The following ZNF28 variants were observed in gnomAD, a reference collection of about 807,000 sequenced individuals.
ZNF28 encodes the protein zinc finger protein 28, also known as zinc finger protein KOX24.
Under a neutral mutation model 7.2 loss-of-function variants are expected in ZNF28, and 5 were observed. The observed-to-expected ratio is 0.70, with a 90% CI of 0.36 to 1.46. ZNF28 has a LOEUF of 1.46. ZNF28 is among the 40% of genes most tolerant of loss of function. The pLI is 0.03. For synonymous variants in ZNF28, 288 were observed against 292.4 expected (o/e 0.99, Z 0.15); for missense variants, 879 against 866.6 (o/e 1.01, Z -0.18).
In ZNF28 at chr19:52,810,813, A is replaced by T. The variant is rs1364138473; in HGVS notation, c.16-2680T>A. The stretch of plus-strand genomic sequence containing the variant: ...ACAGAAGATGACCTTGATGGAAAAA[A>T]ATATATATATATTTTTAAAAAAAGA... On this transcript the variant is annotated intron_variant, in intron 2 of 3. Coordinates refer to ENST00000457749, the MANE Select transcript of ZNF28 (RefSeq NM_006969.5). 5.3e-5 allele frequency: 19 copies of T among 360,804 alleles called. 1 individual carries two copies. The highest frequency in any genetic ancestry group is 4.2e-4 in the Admixed American group (10 of 23,820). The allele number at this position is 360,804 out of a possible 1,614,324, so 22.4% of individuals were successfully genotyped here. A position where few individuals can be genotyped will look rare whatever the true frequency, so the allele number is the denominator to read the frequency against.
chr19:52,810,878 C>T (rs1181722283), intron 2 of ZNF28, among the ~76,000 whole-genome samples: 1 of 18,534 alleles, frequency 5.4e-5, no homozygotes, highest in East Asian at 1.0e-3. Context: ...CCTCCCCCTC[C>T]CCCTCCCCCT....
At chr19:52,804,778 T>C (rs2062915746) in intron 3 of ZNF28, among the ~76,000 whole-genome samples, 1 of 152,134 alleles carries the variant, frequency 6.6e-6, no homozygotes, top group African/African-American at 2.4e-5. Context: ...GTGCTGGGAT[T>C]AGAAAAGTGA....
rs141360897 is a variant in ZNF28, at chr19:52,819,642, T to G, written c.-73-1611A>C. Among the ~76,000 whole-genome samples, 115 of 134,730 alleles carry G rather than the reference T, an allele frequency of 8.5e-4. 12 individuals carry two copies. The South Asian group carries it at 0.013, about 15-fold the overall frequency. The allele number at this position is 134,730 out of a possible 152,430, so 88.4% of individuals were successfully genotyped here. A position where few individuals can be genotyped will look rare whatever the true frequency, so the allele number is the denominator to read the frequency against. The stretch of plus-strand genomic sequence containing the variant: ...GAAGTTACCCTGAGAAGGTCTGAGA[T>G]GAGTGAGAAGGTGTGCCTGAATTCT... On this transcript the variant is annotated intron_variant, in intron 1 of 3. Transcript: ENST00000457749.
chr19:52,798,562 G>C lies in ZNF28; in HGVS notation c.*1126C>G, dbSNP rs1031571182. The C allele has an allele frequency of 8.0e-6, 4 of 500,240 alleles. No homozygotes were observed. Among genetic ancestry groups the C allele is most frequent in the Non-Finnish European group, 1.6e-5 (4 of 244,878 alleles). The allele number at this position is 500,240 out of a possible 1,614,324, so 31.0% of individuals were successfully genotyped here. ...TGGATTCTCTGATGTCTATTGAGGT[G>C]TGAATGTGAAGTAAACGCTTTGCCA... On this transcript the variant is annotated 3_prime_UTR_variant, in exon 4 of 4. Transcript: ENST00000457749.
chr19:52,812,241 G>T (rs1189653468), intron 2 of ZNF28, among the ~76,000 whole-genome samples: 1 of 137,964 alleles, frequency 7.2e-6, no homozygotes, highest in South Asian at 2.3e-4. Context: ...CCCTCTGCCC[G>T]GCCACGACCC....
intron 2 of ZNF28, chr19:52,810,707 A>G: frequency 1.3e-6 from 1 of 763,440 alleles, no homozygotes; most frequent in Non-Finnish European, 2.4e-6. Context: ...TCCCCTTACT[A>G]AAAAAAATGT....
chr19:52,808,235 G>C (rs2062962440), intron 2 of ZNF28, 102 bp from the exon 3 acceptor site: 2 of 1,542,414 alleles, frequency 1.3e-6, no homozygotes, highest in Non-Finnish European at 1.7e-6. Flanking sequence ...TGTAGTGAAT[G>C]TTCTCACAAA....
In ZNF28 at chr19:52,799,011, T is replaced by C. The variant is rs183636509; in HGVS notation, c.*677A>G. 3.3e-5 allele frequency: 26 copies of C among 784,776 alleles called. No individual in the cohort carries two copies. In the African/African-American group the frequency reaches 4.5e-4, roughly 13 times the overall value. 48.6% of individuals were successfully genotyped at this position (784,776 alleles called of 1,614,324 possible). ...CTCCCAAAAGCCTTGTTACAAACCT[T>C]ACATTTGTATGTTTTTTCTCCAGTA... On this transcript the variant is annotated 3_prime_UTR_variant, in exon 4 of 4. Transcript: ENST00000457749.
chr19:52,808,629 CAAA>C (rs373465619), intron 2 of ZNF28, among the ~76,000 whole-genome samples: 1 of 122,234 alleles, frequency 8.2e-6, no homozygotes, highest in Non-Finnish European at 1.7e-5. Flanking sequence ...AACTCCATCT[CAAA>C]AAAAAAAAAA....
intron 2 of ZNF28, among the ~76,000 whole-genome samples, chr19:52,814,094 T>C (rs1029778561): frequency 1.4e-5 from 2 of 146,388 alleles, no homozygotes; most frequent in Admixed American, 6.9e-5. Flanking sequence ...GCTGCAGAAA[T>C]ACACGTGTAC....
chr19:52,808,017 C>G lies in ZNF28; in HGVS notation c.132G>C (p.Leu44=), dbSNP rs761938059. 3.1e-6 allele frequency: 5 copies of G among 1,613,390 alleles called. No individual in the cohort carries two copies. The South Asian group carries it at 4.4e-5, about 14-fold the overall frequency. ...GGAGGTTATCCTCACCCAGGGAGAC[C>G]AGGTTCCTATAATTCTCCAGCATCA... The part of the protein sequence containing the change: ...RDVMLENYRN[L]VSLDISSKCM... Residue 44 remains leucine (L), a synonymous_variant, in exon 3 of 4, where the codon CTG becomes CTC. Transcript: ENST00000457749.
At chr19:52,813,807 T>C (rs2063087276) in intron 2 of ZNF28, among the ~76,000 whole-genome samples, 1 of 146,718 alleles carries the variant, frequency 6.8e-6, no homozygotes, top group Non-Finnish European at 1.5e-5. Context: ...TACCTTGTTT[T>C]GGGGGGTTTA....
chr19:52,807,728 G>C, intron 3 of ZNF28: 1 of 480,998 alleles, frequency 2.1e-6, no homozygotes, highest in East Asian at 4.4e-5. Context: ...ACACGCCTTG[G>C]CCTCCCAAGG....
Position 52,800,699 on chromosome 19 carries a change from A to G in ZNF28, c.1146T>C (p.Pro382=), listed in dbSNP as rs755254211. Reference sequence around the variant, plus strand: ...CTTTTTCACATTCTTCACATTCATAAGGTTTCTCTCCAGTATGAAGCCTAC... The same window carrying G: ...CTTTTTCACATTCTTCACATTCATAGGGTTTCTCTCCAGTATGAAGCCTAC... ...RHRRLHTGEK[P]YECEECEKVF... is the part of the protein sequence containing the mutation. The change falls in exon 4 of 4, where the codon CCT becomes CCC. Residue 382 remains proline (P), a synonymous_variant. Transcript: ENST00000457749. 1.3e-5 allele frequency: 21 copies of G among 1,603,702 alleles called. No individual in the cohort carries two copies. In the African/African-American group the frequency reaches 2.8e-4, roughly 21 times the overall value.
At chr19:52,803,541 C>T (rs921295520) in intron 3 of ZNF28, among the ~76,000 whole-genome samples, 6 of 152,146 alleles carry the variant, frequency 3.9e-5, no homozygotes, top group Admixed American at 3.3e-4. Context: ...GAATTCTAAA[C>T]AATTCCCTCT....
At position 52,803,010 on chromosome 19, in the gene ZNF28, C is replaced by T. The variant is rs140179461; in HGVS notation, c.143-1308G>A. ...TCTCCTGACCTTGTGATCCCCTTGC[C>T]TCAGCCTCCCAAAGTGCTGGGATTA... is the stretch of plus-strand genomic sequence containing the variant. On this transcript the variant is annotated intron_variant, in intron 3 of 3. Transcript: ENST00000457749. 5.2e-3 allele frequency among the ~76,000 whole-genome samples: 793 copies of T among 152,172 alleles called. 10 individuals carry two copies. Among genetic ancestry groups the T allele is most frequent in the African/African-American group, 0.018 (742 of 41,506 alleles).
At position 52,801,104 on chromosome 19, in the gene ZNF28, T is replaced by C. The variant is rs113446889; in HGVS notation, c.741A>G (p.Val247=). 585 of 1,614,190 alleles carry C rather than the reference T, an allele frequency of 3.6e-4. 3 individuals carry two copies. In the African/African-American group the frequency reaches 6.5e-3, roughly 18 times the overall value. The change falls in exon 4 of 4, where the codon GTA becomes GTG. Residue 247 remains valine (V), a synonymous_variant. Transcript: ENST00000457749. ...HLEEKQCKCD[V]YGKVFNQKRY... is the part of the protein sequence containing the mutation. ...GCTTCTGATTAAATACCTTGCCATA[T>C]ACATCACATTTACATTGTTTCTCTT...
At chr19:52,807,722 G>A (rs2062954078) in intron 3 of ZNF28, among the ~76,000 whole-genome samples, 2 of 152,108 alleles carry the variant, frequency 1.3e-5, no homozygotes, top group Non-Finnish European at 1.5e-5. Flanking sequence ...CGATCCACAC[G>A]CCTTGGCCTC....
rs568973310 is a variant in ZNF28, at chr19:52,797,865, A to G, written c.*1823T>C. On this transcript the variant is annotated 3_prime_UTR_variant, in exon 4 of 4. Coordinates refer to ENST00000457749, the MANE Select transcript of ZNF28 (RefSeq NM_006969.5). ...AGGCCAGTCACGGTGGCTCACGCCC[A>G]TAATCTCAGCACTTCGGGAGGTAGA... The G allele has an allele frequency of 6.6e-6, 1 of 152,326 alleles. No homozygotes were observed. Among genetic ancestry groups the G allele is most frequent in the East Asian group, 1.9e-4 (1 of 5,182 alleles). The allele number at this position is 152,326 out of a possible 1,614,324, so 9.4% of individuals were successfully genotyped here.
Sources: gnomAD v4.1 joint callset for allele counts (sites outside exome capture counted in the v4.1 genomes callset) on GRCh38, gnomAD v4.1.1 for gene constraint, MANE v1.5 for transcripts, NCBI Gene and HGNC (gene_info 2026-07-23, HGNC 2026-07-21) for gene names.